Variants in ITGA1 observed in about 807,000 individuals in gnomAD.
The protein encoded by ITGA1 is integrin subunit alpha 1.
ITGA1 carries 85 observed loss-of-function variants against 145.9 expected under a neutral mutation model. The ratio of observed to expected loss-of-function variants is 0.58; its 90% CI spans 0.49 to 0.70. ITGA1 has a LOEUF of 0.70. Among genes scored for constraint, ITGA1 ranks in the 30% least tolerant of loss-of-function variants. ITGA1 has a pLI of 0.00. For synonymous variants in ITGA1, 520 were observed against 495.3 expected (o/e 1.05, Z -0.66); for missense variants, 1,351 against 1,418.7 (o/e 0.95, Z 0.77).
chr5:52,934,480 T>C (rs1750937111), intron 23 of ITGA1, among the ~76,000 whole-genome samples: 1 of 151,904 alleles, frequency 6.6e-6, no homozygotes, highest in African/African-American at 2.4e-5. Flanking sequence ...TGTATCACAT[T>C]CTCCTTATTG....
chr5:52,929,463 T>C (rs541044382), intron 20 of ITGA1, among the ~76,000 whole-genome samples, 162 bp from the exon 21 acceptor site: 1 of 152,322 alleles, frequency 6.6e-6, no homozygotes, highest in South Asian at 2.1e-4. Context: ...ATATTATATG[T>C]TATTCTATCT....
intron 1 of ITGA1, among the ~76,000 whole-genome samples, chr5:52,832,214 C>T (rs756152821): frequency 6.6e-6 from 1 of 152,086 alleles, no homozygotes; most frequent in African/African-American, 2.4e-5. Flanking sequence ...AAGACAAGAG[C>T]CTACTCCAGG....
chr5:52,881,503 G>T (rs1561236017), intron 6 of ITGA1, among the ~76,000 whole-genome samples: 1 of 152,140 alleles, frequency 6.6e-6, no homozygotes, highest in Non-Finnish European at 1.5e-5. Context: ...AATTGTTCAT[G>T]TATTTGAATG....
In ITGA1 at chr5:52,864,956, A is replaced by G; in HGVS notation, c.385-15A>G. The G allele has an allele frequency of 6.3e-7, 1 of 1,597,314 alleles. No homozygotes were observed. The highest frequency in any genetic ancestry group is 8.5e-7 in the Non-Finnish European group (1 of 1,172,130). Reference sequence around the variant, plus strand: ...TCAGTCTAATGATTTCTAATTTTAAAACAATTTTTTAAAGGCTTGTGGGCC... The same window carrying G: ...TCAGTCTAATGATTTCTAATTTTAAGACAATTTTTTAAAGGCTTGTGGGCC... On this transcript the variant is annotated splice_polypyrimidine_tract_variant and intron_variant, in intron 4 of 28. Transcript: ENST00000282588.
intron 14 of ITGA1, among the ~76,000 whole-genome samples, chr5:52,912,606 G>T (rs947286297): frequency 7.3e-6 from 1 of 137,396 alleles, no homozygotes; most frequent in Admixed American, 7.4e-5. Flanking sequence ...TATATATAGT[G>T]TATCCACTAT....
chr5:52,952,147 G>A (rs1198614929), intron 28 of ITGA1, among the ~76,000 whole-genome samples: 5 of 148,206 alleles, frequency 3.4e-5, no homozygotes, highest in African/African-American at 1.0e-4. Context: ...CGGAGATCAC[G>A]CCACTGCACT....
At chr5:52,803,566 G>C (rs1198783855) in intron 1 of ITGA1, 4 of 152,176 alleles carry the variant, frequency 2.6e-5, no homozygotes, top group Non-Finnish European at 5.9e-5. Flanking sequence ...ACCTCAACTT[G>C]AGAGCTCTTA....
chr5:52,806,680 C>A (rs895293315), intron 1 of ITGA1, among the ~76,000 whole-genome samples: 1 of 152,108 alleles, frequency 6.6e-6, no homozygotes, highest in African/African-American at 2.4e-5. Context: ...CAAGAATAAT[C>A]TGTAAAATAA....
rs749875534 is a variant in ITGA1, at chr5:52,898,333, C to T, written c.1259C>T (p.Thr420Ile). The T allele has an allele frequency of 8.7e-6, 14 of 1,610,846 alleles. No individual in the cohort carries two copies. In the East Asian group the frequency reaches 2.5e-4, roughly 28 times the overall value. The stretch of plus-strand genomic sequence containing the variant: ...CAAATCATAATCCCTCGAAACACAA[C>T]CTTTAATGTTGAGTCTACCAAAAAG... ...ASQIIIPRNT[T>I]FNVESTKKNE... Residue 420 changes from threonine to isoleucine, a missense_variant, in exon 11 of 29, where the codon ACC (threonine) becomes ATC (isoleucine). By Grantham distance (89) the Thr-to-Ile change is moderately conservative (BLOSUM62 -1). Transcript: ENST00000282588.
intron 1 of ITGA1, among the ~76,000 whole-genome samples, chr5:52,835,662 G>C (rs1351616466): frequency 6.6e-6 from 1 of 152,130 alleles, no homozygotes; most frequent in Admixed American, 6.6e-5. Context: ...ATGTGTGTGT[G>C]TATATATTTT....
chr5:52,915,572 C>A lies in ITGA1; in HGVS notation c.1966C>A (p.Leu656Ile). ...TCTGACAGATGTGACTATTGGGGGC[C>A]TTGGTGGTGCTGCCCTCTTCTGGTA... ...DGLTDVTIGG[L>I]GGAALFWSRD... The change falls in exon 15 of 29, where the codon CTT (leucine) becomes ATT (isoleucine). Residue 656 changes from leucine (L) to isoleucine (I), a missense_variant. Physicochemically the swap from Leu to Ile is conservative, Grantham distance 5. Coordinates refer to ENST00000282588, the MANE Select transcript of ITGA1 (RefSeq NM_181501.2). 1.2e-6 allele frequency: 2 copies of A among 1,613,984 alleles called. No individual in the cohort carries two copies. The highest frequency in any genetic ancestry group is 8.5e-7 in the Non-Finnish European group (1 of 1,179,976).
chr5:52,849,527 A>T (rs762703058), intron 2 of ITGA1, 42 bp downstream of exon 2: 4 of 1,498,856 alleles, frequency 2.7e-6, no homozygotes, highest in Non-Finnish European at 3.6e-6. Flanking sequence ...CTTATTTCAC[A>T]AGGTAATGAG....
intron 23 of ITGA1, among the ~76,000 whole-genome samples, chr5:52,936,780 C>T (rs577630167): frequency 9.9e-5 from 15 of 152,164 alleles, no homozygotes; most frequent in Non-Finnish European, 1.9e-4. Context: ...TGGATAAAAT[C>T]GAATGGAGAC....
intron 8 of ITGA1, among the ~76,000 whole-genome samples, chr5:52,889,274 T>G (rs12697099): frequency 6.6e-6 from 1 of 151,666 alleles, no homozygotes; most frequent in East Asian, 1.9e-4. Context: ...GCTAATTTTT[T>G]TATTTTTAGT....
intron 3 of ITGA1, among the ~76,000 whole-genome samples, chr5:52,862,504 C>T (rs961229049): frequency 7.9e-5 from 12 of 152,108 alleles, no homozygotes; most frequent in African/African-American, 2.4e-4. Context: ...AATTTTATAA[C>T]TTTTAACTCT....
chr5:52,884,796 G>A (rs761060796), intron 7 of ITGA1, among the ~76,000 whole-genome samples: 2 of 152,106 alleles, frequency 1.3e-5, no homozygotes, highest in Non-Finnish European at 2.9e-5. Flanking sequence ...CAGATGTGTG[G>A]GATTTTTCCC....
chr5:52,927,599 A>C lies in ITGA1; in HGVS notation c.2629A>C (p.Ser877Arg), dbSNP rs767619888. The C allele has an allele frequency of 1.2e-6, 2 of 1,610,052 alleles. No homozygotes were observed. The highest frequency in any genetic ancestry group is 3.3e-5 in the Admixed American group (2 of 59,740). The change falls in exon 20 of 29, where the codon AGT becomes CGT. Residue 877 changes from serine to arginine, a missense_variant. Coordinates refer to ENST00000282588, the MANE Select transcript of ITGA1 (RefSeq NM_181501.2). ...FSGIEAIQKD[S>R]CESNHNITCK... ...CTCTTCCTAGGCTATCCAAAAAGAC[A>C]GTTGTGAATCTAATCATAATATCAC...
intron 20 of ITGA1, among the ~76,000 whole-genome samples, chr5:52,928,181 C>T (rs906129593): frequency 3.3e-5 from 5 of 152,130 alleles, no homozygotes; most frequent in African/African-American, 1.2e-4. Flanking sequence ...AACCTTGTAA[C>T]AATTCTTACA....
Position 52,885,200 on chromosome 5 carries a change from G to A in ITGA1, c.774-2615G>A, listed in dbSNP as rs184421109. ...GCAACCTGGAAACTTTCTGAACCCC[G>A]TAGTTCAGAAAGTTTTACAGAGGCT... is the stretch of plus-strand genomic sequence containing the variant. On this transcript the variant is annotated intron_variant, in intron 7 of 28. Coordinates refer to ENST00000282588, the MANE Select transcript of ITGA1 (RefSeq NM_181501.2). Among the ~76,000 whole-genome samples the A allele has an allele frequency of 3.5e-3, 528 of 152,044 alleles. 4 individuals carry two copies. The highest frequency in any genetic ancestry group is 0.012 in the African/African-American group (510 of 41,490).
Sources: allele counts gnomAD v4.1 joint callset (sites outside exome capture counted in the v4.1 genomes callset), GRCh38; gene constraint gnomAD v4.1.1; transcripts MANE v1.5; gene names NCBI Gene and HGNC (gene_info 2026-07-23, HGNC 2026-07-21).